Variants in LRRC37A2 observed in about 807,000 individuals in gnomAD.
The protein encoded by LRRC37A2 is leucine-rich repeat-containing protein 37A2.
Under a neutral mutation model 68.8 loss-of-function variants are expected in LRRC37A2, and 9 were observed. The observed-to-expected ratio is 0.13, with a 90% CI of 0.08 to 0.23. The LOEUF is 0.23. Ranked by LOEUF, LRRC37A2 falls within the 10% of genes least tolerant of loss-of-function variation. The probability of loss-of-function intolerance (pLI) is 1.00; values close to 1 mark genes in which losing one functional copy is unlikely to be tolerated. For synonymous variants in LRRC37A2, 63 were observed against 367.6 expected (o/e 0.17, Z 9.48); for missense variants, 168 against 950.4 (o/e 0.18, Z 10.82).
At chr17:46,887,883 G>A in the LRRC37A2 span, among the ~76,000 whole-genome samples, 2 of 152,132 alleles carry the variant, frequency 1.3e-5, no homozygotes, top group African/African-American at 4.8e-5. Context: ...AGTGAGACAG[G>A]CGGAGTCCCT....
the LRRC37A2 span, among the ~76,000 whole-genome samples, chr17:46,827,805 ATTTC>A: frequency 1.3e-5 from 2 of 149,044 alleles, no homozygotes; most frequent in Admixed American, 6.8e-5. Context: ...TGAGACAGAA[ATTTC>A]TTTCTTTTTT....
At chr17:46,934,619 C>T in the LRRC37A2 span, among the ~76,000 whole-genome samples, 3 of 152,136 alleles carry the variant, frequency 2.0e-5, no homozygotes, top group African/African-American at 4.8e-5. Flanking sequence ...CTAAAGGACA[C>T]GAGCAAACAT....
At chr17:46,867,207 C>T in the LRRC37A2 span, among the ~76,000 whole-genome samples, 3 of 152,202 alleles carry the variant, frequency 2.0e-5, no homozygotes, top group Non-Finnish European at 4.4e-5. Context: ...AGGGCAGGAC[C>T]GTGTCCCAGC....
At chr17:46,945,224 T>C in the LRRC37A2 span, among the ~76,000 whole-genome samples, 60 of 152,266 alleles carry the variant, frequency 3.9e-4, 2 homozygotes, top group South Asian at 4.6e-3. Context: ...AGGCCTGATG[T>C]GCTGTCTTCT....
the LRRC37A2 span, among the ~76,000 whole-genome samples, chr17:46,850,988 CCT>C: frequency 6.6e-6 from 1 of 152,250 alleles, no homozygotes; most frequent in Admixed American, 6.5e-5. Flanking sequence ...AGCGCCCTTT[CCT>C]CTCTCCCCTC....
At chr17:46,929,561 C>G in the LRRC37A2 span, 1 of 1,557,970 alleles carries the variant, frequency 6.4e-7, no homozygotes, top group Non-Finnish European at 8.9e-7. Context: ...CGCCTGGAGA[C>G]GGCAGACAAG....
the LRRC37A2 span, chr17:46,923,831 A>T: frequency 2.5e-6 from 1 of 399,426 alleles, no homozygotes; most frequent in Non-Finnish European, 4.4e-6. Context: ...CTTTATTCGC[A>T]TCGTCCTGCA....
At chr17:46,848,533 C>T in the LRRC37A2 span, among the ~76,000 whole-genome samples, 1 of 152,240 alleles carries the variant, frequency 6.6e-6, no homozygotes, top group Non-Finnish European at 1.5e-5. Flanking sequence ...TCTTCATGTC[C>T]TTCCTCAGGG....
chr17:46,760,643 AAAAAAAAG>A, the LRRC37A2 span, among the ~76,000 whole-genome samples: 4 of 150,956 alleles, frequency 2.6e-5, no homozygotes, highest in African/African-American at 9.8e-5. Context: ...CAAAAAAAAA[AAAAAAAAG>A]AAAAAAAAAG....
the LRRC37A2 span, among the ~76,000 whole-genome samples, chr17:46,974,934 T>A: frequency 6.6e-6 from 1 of 151,872 alleles, no homozygotes; most frequent in African/African-American, 2.4e-5. Flanking sequence ...TCGTCATGCT[T>A]ATGAAAGTAC....
chr17:46,850,940 G>T, the LRRC37A2 span, among the ~76,000 whole-genome samples: 2 of 152,182 alleles, frequency 1.3e-5, no homozygotes, highest in Non-Finnish European at 2.9e-5. Context: ...CACGCTGCGC[G>T]CCTCGCCGGT....
the LRRC37A2 span, chr17:47,049,125 G>A: frequency 8.9e-7 from 1 of 1,121,324 alleles, no homozygotes; most frequent in South Asian, 1.3e-5. Context: ...TACTCTGTGT[G>A]ACTGGGGTGT....
At chr17:47,000,125 AT>A in the LRRC37A2 span, among the ~76,000 whole-genome samples, 67 of 129,484 alleles carry the variant, frequency 5.2e-4, 9 homozygotes, top group East Asian at 9.7e-3. Context: ...ATAAAATAAA[AT>A]AAAATAAAAT....
At chr17:46,750,960 A>G in the LRRC37A2 span, among the ~76,000 whole-genome samples, 3 of 152,200 alleles carry the variant, frequency 2.0e-5, no homozygotes, top group African/African-American at 7.2e-5. Flanking sequence ...TTCTTCATTT[A>G]ACTTTTAATA....
At chr17:46,711,059 C>G in the LRRC37A2 span, 1 of 1,587,136 alleles carries the variant, frequency 6.3e-7, no homozygotes, top group Non-Finnish European at 8.5e-7. Flanking sequence ...TGATGGGGAG[C>G]TGCTGGTGCA....
the LRRC37A2 span, among the ~76,000 whole-genome samples, chr17:46,404,900 A>G: frequency 1.9e-5 from 2 of 102,794 alleles, 1 homozygote. Flanking sequence ...ATAAATAAAT[A>G]AATAAATAAA....
At chr17:46,959,828 C>G in the LRRC37A2 span, among the ~76,000 whole-genome samples, 23 of 152,310 alleles carry the variant, frequency 1.5e-4, no homozygotes, top group Non-Finnish European at 1.5e-4. Flanking sequence ...CCTCAGAAGC[C>G]ATTCTTCCCA....
At chr17:46,972,582 C>T in the LRRC37A2 span, among the ~76,000 whole-genome samples, 1 of 152,366 alleles carries the variant, frequency 6.6e-6, no homozygotes, top group Non-Finnish European at 1.5e-5. Flanking sequence ...ATGTTGGCCT[C>T]TGCCCATCTG....
the LRRC37A2 span, among the ~76,000 whole-genome samples, chr17:46,897,476 C>T: frequency 6.6e-6 from 1 of 152,026 alleles, no homozygotes; most frequent in Non-Finnish European, 1.5e-5. Context: ...CCAGAGCTGC[C>T]ATAAACTAGA....
Sources: allele counts gnomAD v4.1 joint callset (sites outside exome capture counted in the v4.1 genomes callset), GRCh38; gene constraint gnomAD v4.1.1; transcripts MANE v1.5; gene names NCBI Gene and HGNC (gene_info 2026-07-23, HGNC 2026-07-21).